NAALADL2: variants seen among roughly 807,000 people sequenced by gnomAD.
The protein encoded by NAALADL2 is N-acetylated alpha-linked acidic dipeptidase like 2.
A neutral mutation model predicts 87.2 loss-of-function variants in NAALADL2; 76 were observed. The ratio of observed to expected loss-of-function variants is 0.87; its 90% CI spans 0.72 to 1.05. The LOEUF is 1.05. Ranked by LOEUF, NAALADL2 falls within the 50% of genes least tolerant of loss-of-function variation. NAALADL2 has a pLI of 0.00. For missense variants in NAALADL2, 1,089 were observed against 945.8 expected, an observed-to-expected ratio of 1.15 and a Z score of -1.99; for synonymous variants, 354 against 331.0, an observed-to-expected ratio of 1.07 and a Z score of -0.75.
rs1010541670 is a variant in NAALADL2 at position 175,517,078 on chromosome 3, T to A, written c.1653+45320T>A. Among the ~76,000 whole-genome samples, 5 of 152,330 alleles carry A rather than the reference T, an allele frequency of 3.3e-5. No homozygotes were observed. The East Asian group carries it at 9.6e-4, about 29-fold the overall frequency. On this transcript the variant is annotated intron_variant, in intron 9 of 13. Transcript: ENST00000454872. ...ATTTGTGTTTATGTAGTAGTATTTT[T>A]AATAACAATTCAATCTTTACCTATT...
chr3:175,075,951 G>A (rs1325894118), intron 1 of NAALADL2, among the ~76,000 whole-genome samples: 1 of 152,146 alleles, frequency 6.6e-6, no homozygotes, highest in Non-Finnish European at 1.5e-5. Context: ...TAACAGGCCA[G>A]GCATAGTGAG....
intron 2 of NAALADL2, among the ~76,000 whole-genome samples, chr3:175,125,487 G>A (rs1331504640): frequency 6.6e-6 from 1 of 152,012 alleles, no homozygotes; most frequent in African/African-American, 2.4e-5. Flanking sequence ...GGTATAAATA[G>A]GGGTGGTGCA....
intron 8 of NAALADL2, among the ~76,000 whole-genome samples, 165 bp from the exon 9 acceptor site, chr3:175,471,474 C>CGA (rs1724867221): frequency 1.7e-5 from 1 of 60,076 alleles, no homozygotes. Flanking sequence ...GAGTCTGTCT[C>CGA]AAAAAAAAAA....
intron 4 of NAALADL2, among the ~76,000 whole-genome samples, chr3:175,289,162 T>C (rs1755340823): frequency 6.6e-6 from 1 of 152,164 alleles, no homozygotes; most frequent in African/African-American, 2.4e-5. Context: ...ATTTTTGGCA[T>C]GTCTTTCTTC....
intron 3 of NAALADL2, among the ~76,000 whole-genome samples, chr3:174,752,430 A>T (rs1208264078): frequency 6.6e-6 from 1 of 152,140 alleles, no homozygotes; most frequent in Non-Finnish European, 1.5e-5. Flanking sequence ...ACATTTTCTT[A>T]GAAAATTGTC....
At chr3:175,582,227 AAAAG>A (rs1442834291) in intron 10 of NAALADL2, among the ~76,000 whole-genome samples, 1 of 152,184 alleles carries the variant, frequency 6.6e-6, no homozygotes, top group African/African-American at 2.4e-5. Flanking sequence ...CTAAAAAAAA[AAAAG>A]AAGAATGGAG....
chr3:174,896,749 C>T (rs1731584500), intron 1 of NAALADL2, among the ~76,000 whole-genome samples: 2 of 152,036 alleles, frequency 1.3e-5, no homozygotes, highest in South Asian at 4.1e-4. Context: ...CGAAACTGGA[C>T]GAGTCACATT....
intron 9 of NAALADL2, among the ~76,000 whole-genome samples, chr3:175,491,459 T>C (rs1728087511): frequency 6.6e-6 from 1 of 152,266 alleles, no homozygotes; most frequent in East Asian, 1.9e-4. Flanking sequence ...AATTTTTATA[T>C]AGTTGAGCTT....
At chr3:174,838,783 C>G (rs1723667868) in intron 3 of NAALADL2, among the ~76,000 whole-genome samples, 1 of 152,034 alleles carries the variant, frequency 6.6e-6, no homozygotes, top group Non-Finnish European at 1.5e-5. Context: ...AGGACTATAC[C>G]TAACCAAGGA....
At chr3:174,920,557 A>G (rs369088109) in intron 1 of NAALADL2, among the ~76,000 whole-genome samples, 4 of 152,220 alleles carry the variant, frequency 2.6e-5, no homozygotes, top group Non-Finnish European at 1.5e-5. Context: ...GACTAAGGGA[A>G]TGCTGTGGCT....
chr3:175,522,150 A>T (rs1732736961), intron 9 of NAALADL2, among the ~76,000 whole-genome samples: 1 of 152,178 alleles, frequency 6.6e-6, no homozygotes, highest in South Asian at 2.1e-4. Context: ...TAATTTGGAG[A>T]TAAACATCTC....
rs1755013396 is a variant in NAALADL2, at chr3:175,809,638, C to T, written c.*6435C>T. ...ATCATTTGGGCCCAAAAGTTTGAAGCTGCAGTGAGCTAAAATCATGCCACT... is the reference window on the plus strand; with the variant it reads ...ATCATTTGGGCCCAAAAGTTTGAAGTTGCAGTGAGCTAAAATCATGCCACT... On this transcript the variant is annotated 3_prime_UTR_variant, in exon 14 of 14. Coordinates refer to ENST00000454872, the MANE Select transcript of NAALADL2 (RefSeq NM_207015.3). The T allele has an allele frequency of 6.6e-6, 1 of 151,258 alleles. No homozygotes were observed. The highest frequency in any genetic ancestry group is 1.5e-5 in the Non-Finnish European group (1 of 67,866). 9.4% of individuals were successfully genotyped at this position (151,258 alleles called of 1,614,324 possible).
intron 1 of NAALADL2, among the ~76,000 whole-genome samples, chr3:174,444,942 C>T (rs1195138433): frequency 6.6e-6 from 1 of 151,448 alleles, no homozygotes; most frequent in East Asian, 1.9e-4. Flanking sequence ...GACAACATTA[C>T]TCATAGATAT....
At chr3:175,128,663 G>A (rs1287474760) in intron 2 of NAALADL2, among the ~76,000 whole-genome samples, 2 of 152,102 alleles carry the variant, frequency 1.3e-5, no homozygotes. Flanking sequence ...AGATATGAGT[G>A]AATTTAACAA....
chr3:175,143,804 G>C (rs1730367150), intron 2 of NAALADL2, among the ~76,000 whole-genome samples: 1 of 151,860 alleles, frequency 6.6e-6, no homozygotes, highest in East Asian at 1.9e-4. Context: ...TGCAGAAATG[G>C]TTACCTCCTT....
Position 175,727,247 on chromosome 3 carries a change from G to T in NAALADL2, c.1897-10059G>T, listed in dbSNP as rs1457675844. On this transcript the variant is annotated intron_variant, in intron 11 of 13. Transcript: ENST00000454872. Reference sequence around the variant, plus strand: ...TCTTGGCAACTGTTGGAGGCATGGTGGTGACTGAAACAGCAGTTTCTCAGC... The same window carrying T: ...TCTTGGCAACTGTTGGAGGCATGGTTGTGACTGAAACAGCAGTTTCTCAGC... Among the ~76,000 whole-genome samples, 29 of 152,102 alleles carry T rather than the reference G, an allele frequency of 1.9e-4. 1 individual carries two copies. Among genetic ancestry groups the T allele is most frequent in the Admixed American group, 1.9e-3 (29 of 15,268 alleles).
At chr3:175,420,292 G>A (rs1353354703) in intron 5 of NAALADL2, among the ~76,000 whole-genome samples, 1 of 151,954 alleles carries the variant, frequency 6.6e-6, no homozygotes, top group Non-Finnish European at 1.5e-5. Flanking sequence ...GTCTATCTCT[G>A]CTGAGAGAAG....
intron 12 of NAALADL2, among the ~76,000 whole-genome samples, chr3:175,748,428 C>A (rs1178951826): frequency 6.6e-6 from 1 of 152,050 alleles, no homozygotes; most frequent in Non-Finnish European, 1.5e-5. Flanking sequence ...ATACATTTTC[C>A]CCCAAAATAA....
chr3:175,412,327 AAAG>A (rs1713690736), intron 5 of NAALADL2, among the ~76,000 whole-genome samples: 1 of 152,208 alleles, frequency 6.6e-6, no homozygotes, highest in South Asian at 2.1e-4. Flanking sequence ...ACATCACTCT[AAAG>A]AAGCAAGCAT....
Sources: gnomAD v4.1 joint callset for allele counts (sites outside exome capture counted in the v4.1 genomes callset) on GRCh38, gnomAD v4.1.1 for gene constraint, MANE v1.5 for transcripts, NCBI Gene and HGNC (gene_info 2026-07-23, HGNC 2026-07-21) for gene names.